NME7: variants seen among roughly 807,000 people sequenced by gnomAD.
NME7 encodes NME/NM23 family member 7.
A neutral mutation model predicts 49.1 loss-of-function variants in NME7; 41 were observed. The ratio of observed to expected loss-of-function variants is 0.83; its 90% CI spans 0.65 to 1.08. NME7 has a LOEUF of 1.08. NME7 is among the 50% of genes least tolerant of loss of function. The probability of loss-of-function intolerance (pLI) is 0.00; values close to 1 mark genes in which losing one functional copy is unlikely to be tolerated. For synonymous variants in NME7, 139 were observed against 150.6 expected (o/e 0.92, Z 0.56); for missense variants, 423 against 463.4 (o/e 0.91, Z 0.80).
Position 169,298,766 on chromosome 1 carries a change from A to C in NME7, c.441-3T>G, listed in dbSNP as rs1650815785. Reference sequence around the variant, plus strand: ...TTGTAATAAACTGGATCAGCTCACTACAAAACAGATAGAAGATTAGTTTGC... The same window carrying C: ...TTGTAATAAACTGGATCAGCTCACTCCAAAACAGATAGAAGATTAGTTTGC... On this transcript the variant is annotated splice_region_variant and splice_polypyrimidine_tract_variant and intron_variant, in intron 5 of 11. Coordinates refer to ENST00000367811, the MANE Select transcript of NME7 (RefSeq NM_013330.5). 1 of 1,611,936 alleles carries C rather than the reference A, an allele frequency of 6.2e-7. No homozygotes were observed. The highest frequency in any genetic ancestry group is 8.5e-7 in the Non-Finnish European group (1 of 1,178,740).
chr1:169,232,813 T>C (rs1047424218), intron 9 of NME7, among the ~76,000 whole-genome samples: 5 of 151,504 alleles, frequency 3.3e-5, no homozygotes, highest in African/African-American at 1.2e-4. Flanking sequence ...TATAAATCTA[T>C]ACAAAGCAAC....
intron 7 of NME7, among the ~76,000 whole-genome samples, chr1:169,250,980 T>C (rs1407533542): frequency 6.6e-6 from 1 of 152,130 alleles, no homozygotes; most frequent in Non-Finnish European, 1.5e-5. Flanking sequence ...GGCAAATATT[T>C]GTCAGGTCCA....
intron 6 of NME7, among the ~76,000 whole-genome samples, chr1:169,291,772 C>G (rs1650515419): frequency 6.6e-6 from 1 of 152,002 alleles, no homozygotes; most frequent in African/African-American, 2.4e-5. Flanking sequence ...TTATGACTCG[C>G]TGAAGGCTCA....
At chr1:169,356,747 T>C (rs1036140813) in intron 1 of NME7, among the ~76,000 whole-genome samples, 10 of 152,160 alleles carry the variant, frequency 6.6e-5, no homozygotes, top group Non-Finnish European at 1.3e-4. Context: ...GGCTGAACCC[T>C]GAAGAATGAA....
chr1:169,202,183 T>C (rs546992787), intron 10 of NME7, among the ~76,000 whole-genome samples: 5 of 152,308 alleles, frequency 3.3e-5, no homozygotes, highest in Admixed American at 3.3e-4. Flanking sequence ...AAATCTCATA[T>C]TGAATTGTAA....
At chr1:169,223,495 C>T (rs996694532) in intron 10 of NME7, among the ~76,000 whole-genome samples, 16 of 152,098 alleles carry the variant, frequency 1.1e-4, no homozygotes, top group African/African-American at 2.7e-4. Flanking sequence ...TAGATTATAA[C>T]GTGTTGCTAT....
chr1:169,355,273 ATAT>A (rs1653413015), intron 1 of NME7, among the ~76,000 whole-genome samples: 1 of 83,256 alleles, frequency 1.2e-5, no homozygotes, highest in South Asian at 4.1e-4. Flanking sequence ...AATATATTGT[ATAT>A]TATATATAAT....
intron 6 of NME7, among the ~76,000 whole-genome samples, chr1:169,290,345 C>G (rs1316558817): frequency 2.6e-5 from 4 of 152,030 alleles, no homozygotes; most frequent in African/African-American, 9.7e-5. Flanking sequence ...GAACAGAGGC[C>G]TCACAAGTAA....
At chr1:169,191,048 G>A (rs1198116537) in intron 10 of NME7, among the ~76,000 whole-genome samples, 4 of 63,424 alleles carry the variant, frequency 6.3e-5, no homozygotes, top group Non-Finnish European at 1.2e-4. Flanking sequence ...TCCTGACCTC[G>A]TGATCCACCC....
At chr1:169,233,704 A>G (rs187517580) in intron 9 of NME7, among the ~76,000 whole-genome samples, 52 of 152,236 alleles carry the variant, frequency 3.4e-4, no homozygotes, top group African/African-American at 1.2e-3. Flanking sequence ...CCATTTTGCT[A>G]TTTCACAAAG....
chr1:169,174,075 C>G (rs772432268), intron 10 of NME7, among the ~76,000 whole-genome samples: 4 of 152,122 alleles, frequency 2.6e-5, no homozygotes, highest in Non-Finnish European at 5.9e-5. Context: ...GGCTATGTTA[C>G]AGCTCATCAT....
chr1:169,219,103 A>G (rs1442216577), intron 10 of NME7, among the ~76,000 whole-genome samples: 2 of 152,162 alleles, frequency 1.3e-5, no homozygotes, highest in African/African-American at 2.4e-5. Context: ...TTATAGCTCC[A>G]GGCATCATTT....
chr1:169,265,182 C>T lies in NME7; in HGVS notation c.754+22121G>A, dbSNP rs372447826. On this transcript the variant is annotated intron_variant, in intron 7 of 11. Transcript: ENST00000367811. ...TCAAGATGAGATTTGGTTGGGGACA[C>T]GCCAAACCATATCACCACATGATAC... 1.2e-4 allele frequency among the ~76,000 whole-genome samples: 16 copies of T among 132,640 alleles called. No individual in the cohort carries two copies. In the East Asian group the frequency reaches 1.8e-3, roughly 15 times the overall value. 87.0% of individuals were successfully genotyped at this position (132,640 alleles called of 152,430 possible).
chr1:169,173,005 T>G (rs540589241), intron 10 of NME7, among the ~76,000 whole-genome samples: 9 of 152,340 alleles, frequency 5.9e-5, no homozygotes, highest in African/African-American at 2.2e-4. Flanking sequence ...GGTAAATATT[T>G]GTTGACTGAT....
intron 1 of NME7, among the ~76,000 whole-genome samples, chr1:169,335,151 G>A (rs894241284): frequency 2.0e-5 from 3 of 152,164 alleles, no homozygotes; most frequent in African/African-American, 7.2e-5. Context: ...ACAGTATGGT[G>A]ATTCCTCAAG....
At chr1:169,174,432 A>G (rs1316326625) in intron 10 of NME7, among the ~76,000 whole-genome samples, 2 of 152,190 alleles carry the variant, frequency 1.3e-5, no homozygotes, top group Admixed American at 6.5e-5. Context: ...AAACTAGAAA[A>G]AGATTTATGA....
At chr1:169,219,137 A>G (rs1359087651) in intron 10 of NME7, among the ~76,000 whole-genome samples, 1 of 152,194 alleles carries the variant, frequency 6.6e-6, no homozygotes, top group African/African-American at 2.4e-5. Context: ...TTTTCTGAAT[A>G]GCCTATTCCC....
intron 7 of NME7, among the ~76,000 whole-genome samples, chr1:169,244,263 A>C (rs1425352971): frequency 3.3e-5 from 5 of 152,164 alleles, no homozygotes; most frequent in Non-Finnish European, 7.4e-5. Flanking sequence ...TTTGGCAGAA[A>C]AAGGAGGAAA....
chr1:169,344,868 A>C (rs1652902818), intron 1 of NME7, among the ~76,000 whole-genome samples: 1 of 152,142 alleles, frequency 6.6e-6, no homozygotes, highest in Non-Finnish European at 1.5e-5. Flanking sequence ...TCGCTGAGTG[A>C]GTTGTACTTC....
Sources: gnomAD v4.1 joint callset for allele counts (sites outside exome capture counted in the v4.1 genomes callset) on GRCh38, gnomAD v4.1.1 for gene constraint, MANE v1.5 for transcripts, NCBI Gene and HGNC (gene_info 2026-07-23, HGNC 2026-07-21) for gene names.